ADAMTSL1: variants seen among roughly 807,000 people sequenced by gnomAD.
The protein encoded by ADAMTSL1 is ADAMTS-like protein 1.
ADAMTSL1 carries 126 observed loss-of-function variants against 201.8 expected under a neutral mutation model. The ratio of observed to expected loss-of-function variants is 0.62; its 90% CI spans 0.54 to 0.72. The LOEUF (loss-of-function observed/expected upper bound fraction) is 0.72. Among genes scored for constraint, ADAMTSL1 ranks in the 30% least tolerant of loss-of-function variants. The pLI is 0.00. For synonymous variants in ADAMTSL1, 1,121 were observed against 903.4 expected, an observed-to-expected ratio of 1.24 and a Z score of -4.32; for missense variants, 2,679 against 2,277.8, an observed-to-expected ratio of 1.18 and a Z score of -3.59.
chr9:18,250,041 G>T (rs1260750209), intron 2 of ADAMTSL1, among the ~76,000 whole-genome samples: 2 of 152,176 alleles, frequency 1.3e-5, no homozygotes, highest in African/African-American at 4.8e-5. Context: ...CTGCCCCTTT[G>T]TATGTAAGTG....
intron 23 of ADAMTSL1, among the ~76,000 whole-genome samples, chr9:18,841,655 T>C (rs1423553391): frequency 1.3e-5 from 2 of 152,246 alleles, no homozygotes; most frequent in Non-Finnish European, 2.9e-5. Context: ...CGGCTGTGAA[T>C]CCATCTGATC....
At chr9:18,348,033 T>A (rs1448491375) in intron 2 of ADAMTSL1, among the ~76,000 whole-genome samples, 5 of 152,292 alleles carry the variant, frequency 3.3e-5, no homozygotes, top group African/African-American at 1.2e-4. Flanking sequence ...ACTTGAAAAG[T>A]TGAGTTCTGG....
chr9:18,542,816 T>G lies in ADAMTSL1; in HGVS notation c.237+9524T>G, dbSNP rs147132070. 4.4e-3 allele frequency among the ~76,000 whole-genome samples: 663 copies of G among 152,340 alleles called. 4 individuals carry two copies. Among genetic ancestry groups the G allele is most frequent in the African/African-American group, 0.015 (607 of 41,574 alleles). On this transcript the variant is annotated intron_variant, in intron 3 of 28. Coordinates refer to ENST00000380548, the MANE Select transcript of ADAMTSL1 (RefSeq NM_001040272.6). ...AAAGTACTGTTTCTGAAAGACTACA[T>G]TATTTTTTAAAAACTGAAAATTAGA...
At chr9:18,280,039 A>G (rs1421528294) in intron 2 of ADAMTSL1, among the ~76,000 whole-genome samples, 2 of 151,990 alleles carry the variant, frequency 1.3e-5, no homozygotes, top group African/African-American at 4.8e-5. Flanking sequence ...ATAGGCCTGG[A>G]CTCAAGGTCT....
chr9:18,793,026 G>C (rs1822153572), intron 19 of ADAMTSL1, among the ~76,000 whole-genome samples: 1 of 152,210 alleles, frequency 6.6e-6, no homozygotes, highest in Admixed American at 6.5e-5. Flanking sequence ...AGCTCTCAGA[G>C]GCTTCCTTTC....
chr9:18,772,080 G>GTGTA (rs1479914961), intron 17 of ADAMTSL1, among the ~76,000 whole-genome samples: 1 of 152,186 alleles, frequency 6.6e-6, no homozygotes, highest in Non-Finnish European at 1.5e-5. Context: ...AAATGAGCAT[G>GTGTA]TGTACATTTG....
intron 2 of ADAMTSL1, among the ~76,000 whole-genome samples, chr9:18,366,611 G>T: frequency 7.2e-6 from 1 of 139,122 alleles, no homozygotes; most frequent in Non-Finnish European, 1.5e-5. Flanking sequence ...AATGGATAGT[G>T]CCTCTGAAAT....
rs183899923 is a variant in ADAMTSL1 at position 18,376,460 on chromosome 9, G to A, written c.208-128369G>A. On this transcript the variant is annotated intron_variant, in intron 2 of 29. Coordinates refer to the ADAMTSL1 transcript ENST00000680146. ...GAGAGATACTGAAGAAGAAGAAACAGAATTGCAAACAGCTGTTCACCTTCA... is the reference window on the plus strand; with the variant it reads ...GAGAGATACTGAAGAAGAAGAAACAAAATTGCAAACAGCTGTTCACCTTCA... Among the ~76,000 whole-genome samples, 167 of 152,240 alleles carry A rather than the reference G, an allele frequency of 1.1e-3. 1 individual carries two copies. The highest frequency in any genetic ancestry group is 3.8e-3 in the African/African-American group (159 of 41,546).
rs370169064 is a variant in ADAMTSL1, at chr9:18,109,101, T to G, written c.88-54761T>G. Among the ~76,000 whole-genome samples the G allele has an allele frequency of 1.5e-3, 236 of 152,290 alleles. 7 individuals carry two copies. In the South Asian group the frequency reaches 0.048, roughly 31 times the overall value. On this transcript the variant is annotated intron_variant, in intron 1 of 29. Coordinates refer to the ADAMTSL1 transcript ENST00000680146. The stretch of plus-strand genomic sequence containing the variant: ...TCTTCTCAACTGCATACATAGACAT[T>G]AGAAGTTTAAGACTTGTGAATACAA...
chr9:18,011,494 G>A (rs1216650743), intron 1 of ADAMTSL1, among the ~76,000 whole-genome samples: 1 of 151,976 alleles, frequency 6.6e-6, no homozygotes, highest in Non-Finnish European at 1.5e-5. Context: ...CCCCAGCACT[G>A]ATGCTGAGGT....
chr9:18,771,735 G>GTTTTTTTTT (rs754025785), intron 17 of ADAMTSL1, among the ~76,000 whole-genome samples: 1 of 116,670 alleles, frequency 8.6e-6, no homozygotes, highest in African/African-American at 3.2e-5. Context: ...TTTTTTTTTG[G>GTTTTTTTTT]ATAGTATACA....
chr9:17,935,759 C>T, intron 1 of ADAMTSL1, among the ~76,000 whole-genome samples: 1 of 152,172 alleles, frequency 6.6e-6, no homozygotes, highest in East Asian at 1.9e-4. Flanking sequence ...TTCAAATGAT[C>T]TACATCTTGC....
intron 20 of ADAMTSL1, among the ~76,000 whole-genome samples, chr9:18,805,099 A>C (rs979062873): frequency 1.3e-5 from 2 of 152,146 alleles, no homozygotes; most frequent in Admixed American, 1.3e-4. Context: ...TTGAACTCTA[A>C]TGGGGGTCAC....
At position 18,721,681 on chromosome 9, in the gene ADAMTSL1, C is replaced by A. The variant is rs1833390821; in HGVS notation, c.2006+16C>A. The stretch of plus-strand genomic sequence containing the variant: ...GCCCAGCAAGGTAAGGGATGTGTGG[C>A]CTGCCCTGCTGTCCAGGGGCACGTA... On this transcript the variant is annotated intron_variant, in intron 15 of 28. Coordinates refer to ENST00000380548, the MANE Select transcript of ADAMTSL1 (RefSeq NM_001040272.6). 6.2e-7 allele frequency: 1 copy of A among 1,612,928 alleles called. No homozygotes were observed. The highest frequency in any genetic ancestry group is 1.1e-5 in the South Asian group (1 of 90,856).
rs200408970 is a variant in ADAMTSL1 at position 18,169,716 on chromosome 9, A to C, written c.207+5735A>C. 1.4e-4 allele frequency among the ~76,000 whole-genome samples: 21 copies of C among 152,284 alleles called. No individual in the cohort carries two copies. The East Asian group carries it at 4.1e-3, about 29-fold the overall frequency. On this transcript the variant is annotated intron_variant, in intron 2 of 29. Transcript: ENST00000680146. ...ATTGAATCTATAAATTACCTTGGGC[A>C]GTATGGCTATTTTCATGATATTGAT... is the stretch of plus-strand genomic sequence containing the variant.
chr9:18,754,740 A>G (rs1267540427), intron 16 of ADAMTSL1, among the ~76,000 whole-genome samples: 2 of 152,202 alleles, frequency 1.3e-5, no homozygotes, highest in East Asian at 1.9e-4. Flanking sequence ...ATACTGATGA[A>G]TAAGCAAAAC....
chr9:18,704,306 A>G (rs911611058), intron 13 of ADAMTSL1, among the ~76,000 whole-genome samples: 2 of 152,214 alleles, frequency 1.3e-5, no homozygotes, highest in African/African-American at 4.8e-5. Context: ...CCTTTATAGA[A>G]AAAGCTGGCC....
chr9:18,230,314 C>A (rs1394020616), intron 2 of ADAMTSL1, among the ~76,000 whole-genome samples: 1 of 152,106 alleles, frequency 6.6e-6, no homozygotes, highest in Non-Finnish European at 1.5e-5. Flanking sequence ...ATGATACCGG[C>A]CTACATGGGG....
chr9:18,245,889 C>T (rs997292334), intron 2 of ADAMTSL1, among the ~76,000 whole-genome samples: 9 of 152,066 alleles, frequency 5.9e-5, no homozygotes, highest in African/African-American at 2.2e-4. Flanking sequence ...TAGCCGCCAC[C>T]TTAGAAACTA....
Sources: allele counts gnomAD v4.1 joint callset (sites outside exome capture counted in the v4.1 genomes callset), GRCh38; gene constraint gnomAD v4.1.1; transcripts MANE v1.5; gene names NCBI Gene and HGNC (gene_info 2026-07-23, HGNC 2026-07-21).